COL9A1: variants seen among roughly 807,000 people sequenced by gnomAD.
The protein encoded by COL9A1 is collagen type IX alpha 1 chain, also known as collagen alpha-1(IX) chain.
In COL9A1, 104 loss-of-function variants were observed where a neutral mutation model predicts 142.6. The observed-to-expected ratio is 0.73, with a 90% confidence interval of 0.62 to 0.86. COL9A1 has a LOEUF of 0.86. COL9A1 is among the 40% of genes least tolerant of loss of function. COL9A1 has a pLI of 0.00. For synonymous variants in COL9A1, 466 were observed against 396.0 expected, an observed-to-expected ratio of 1.18 and a Z score of -2.10; for missense variants, 1,210 against 1,176.6, an observed-to-expected ratio of 1.03 and a Z score of -0.42.
Position 70,281,435 on chromosome 6 carries a change from G to C in COL9A1, c.831C>G (p.Pro277=). 3.7e-6 allele frequency: 6 copies of C among 1,613,134 alleles called. No homozygotes were observed. The highest frequency in any genetic ancestry group is 3.4e-6 in the Non-Finnish European group (4 of 1,179,786). ...ERGPPGEQGP[P]GPPGPPGVPG... ...GAACTCCAGGGGGGCCCGGAGGCCC[G>C]GGAGGACCCTGCTCACCCGGGGGAC... The change falls in exon 8 of 38, where the codon CCC becomes CCG. Residue 277 remains proline, a synonymous_variant. Transcript: ENST00000357250.
intron 28 of COL9A1, among the ~76,000 whole-genome samples, chr6:70,244,902 C>G (rs1184165943): frequency 6.6e-6 from 1 of 152,146 alleles, no homozygotes; most frequent in East Asian, 1.9e-4. Flanking sequence ...GCTCAGAGAC[C>G]CACATACACA....
intron 10 of COL9A1, chr6:70,275,086 A>G: frequency 2.6e-6 from 1 of 380,304 alleles, no homozygotes; most frequent in Non-Finnish European, 4.9e-6. Context: ...CATAGCAATT[A>G]CAATGTTGTA....
intron 16 of COL9A1, among the ~76,000 whole-genome samples, chr6:70,269,257 C>G (rs951142108): frequency 6.6e-6 from 1 of 152,162 alleles, no homozygotes; most frequent in African/African-American, 2.4e-5. Flanking sequence ...GTTCGTGTCT[C>G]CAATCAAATG....
chr6:70,300,509 A>G, intron 2 of COL9A1, 123 bp from the exon 3 acceptor site: 1 of 395,214 alleles, frequency 2.5e-6, no homozygotes, highest in Non-Finnish European at 4.3e-6. Flanking sequence ...GCAATTGACC[A>G]CAAAAAAAAG....
chr6:70,276,114 G>T (rs771812844), intron 10 of COL9A1, among the ~76,000 whole-genome samples: 2 of 152,034 alleles, frequency 1.3e-5, no homozygotes, highest in Non-Finnish European at 2.9e-5. Context: ...ACACACAAAA[G>T]AACTTTTGAC....
chr6:70,255,734 T>C (rs1771242281), intron 21 of COL9A1, among the ~76,000 whole-genome samples: 1 of 152,208 alleles, frequency 6.6e-6, no homozygotes, highest in African/African-American at 2.4e-5. Context: ...TTATAGAGGT[T>C]TGAGGTTTGG....
At chr6:70,272,228 G>C in intron 12 of COL9A1, 140 bp from the exon 13 acceptor site, 19 of 595,940 alleles carry the variant, frequency 3.2e-5, no homozygotes, top group East Asian at 3.3e-5. Flanking sequence ...ACTGAATAAA[G>C]AAAAGCAAAC....
At chr6:70,296,603 A>G (rs1773858828) in intron 4 of COL9A1, among the ~76,000 whole-genome samples, 1 of 152,106 alleles carries the variant, frequency 6.6e-6, no homozygotes. Flanking sequence ...CTAGAAGAGA[A>G]GCTAAGATTC....
chr6:70,274,009 T>G (rs201928243), intron 12 of COL9A1, 38 bp downstream of exon 12: 2 of 1,395,822 alleles, frequency 1.4e-6, no homozygotes, highest in Non-Finnish European at 1.9e-6. Context: ...TACCTAAAGA[T>G]AGGAAATTTT....
At chr6:70,263,415 T>A in intron 18 of COL9A1, 118 bp from the exon 19 acceptor site, 1 of 751,392 alleles carries the variant, frequency 1.3e-6, no homozygotes. Flanking sequence ...CCTGAATTAT[T>A]CTACTTTCTT....
chr6:70,252,056 A>G, intron 28 of COL9A1, 64 bp downstream of exon 28: 1 of 1,508,266 alleles, frequency 6.6e-7, no homozygotes, highest in Non-Finnish European at 9.2e-7. Flanking sequence ...GGATGAATGA[A>G]TGGAAGAACA....
chr6:70,238,186 T>C (rs75165807), intron 33 of COL9A1, among the ~76,000 whole-genome samples: 3,368 of 152,268 alleles, frequency 0.022, 124 homozygotes, highest in African/African-American at 0.077. Flanking sequence ...GATAATATGC[T>C]GGACAGGGAC....
At chr6:70,252,359 A>G in intron 26 of COL9A1, 44 bp from the exon 27 acceptor site, 1 of 1,562,634 alleles carries the variant, frequency 6.4e-7, no homozygotes, top group Non-Finnish European at 8.8e-7. Context: ...TGCTGAAGTA[A>G]GCATAATCAT....
In COL9A1 at chr6:70,252,120, A is replaced by G; in HGVS notation, c.1872T>C (p.Pro624=). 1.9e-6 allele frequency: 3 copies of G among 1,614,088 alleles called. No individual in the cohort carries two copies. The highest frequency in any genetic ancestry group is 2.5e-6 in the Non-Finnish European group (3 of 1,179,932). ...GGAAAGAACAGCAAGGAATACTCAC[A>G]GGAAGCCCCTGGGGTCCTCGGGGTC... ...EVGPRGPQGL[P]GSRGELGPVG... Residue 624 remains proline (P), a splice_region_variant and synonymous_variant, in exon 28 of 38, where the codon CCT becomes CCC. Coordinates refer to ENST00000357250, the MANE Select transcript of COL9A1 (RefSeq NM_001851.6).
At chr6:70,277,963 T>A (rs1772877612) in intron 10 of COL9A1, among the ~76,000 whole-genome samples, 1 of 152,154 alleles carries the variant, frequency 6.6e-6, no homozygotes, top group African/African-American at 2.4e-5. Flanking sequence ...AAACAGCAAA[T>A]TCTGACCCAG....
intron 7 of COL9A1, among the ~76,000 whole-genome samples, chr6:70,282,101 C>A (rs1456392965): frequency 1.3e-5 from 2 of 152,102 alleles, no homozygotes; most frequent in Admixed American, 6.5e-5. Flanking sequence ...GGGGCGTGAC[C>A]CCTTTTATCG....
At chr6:70,240,612 T>TTAGAAGTATATATATA in intron 32 of COL9A1, 77 bp downstream of exon 32, 1 of 960,672 alleles carries the variant, frequency 1.0e-6, no homozygotes, top group Non-Finnish European at 1.6e-6. Context: ...TTGAACTGTG[T>TTAGAAGTATATATATA]TAGAAGTATA....
chr6:70,292,152 A>AT (rs1369800594), intron 5 of COL9A1, among the ~76,000 whole-genome samples: 1 of 152,178 alleles, frequency 6.6e-6, no homozygotes, highest in Admixed American at 6.5e-5. Context: ...CAGTTGTTAA[A>AT]TGTGGATAGG....
rs1769773459 is a variant in COL9A1 at position 70,234,552 on chromosome 6, C to CA, written c.2300dup (p.Met767IlefsTer10). The CA allele has an allele frequency of 6.2e-7, 1 of 1,614,072 alleles. No homozygotes were observed. The highest frequency in any genetic ancestry group is 1.3e-5 in the African/African-American group (1 of 74,926). On this transcript the variant is annotated frameshift_variant, in exon 35 of 38. Transcript: ENST00000357250. LOFTEE classifies it high-confidence loss of function. The stretch of plus-strand genomic sequence containing the variant: ...TGATTTATTTACCTTGTATGACTCT[C>CA]ATGCAAACCTGCTTAATGTGCTGAT...
Sources: allele counts gnomAD v4.1 joint callset (sites outside exome capture counted in the v4.1 genomes callset), GRCh38; gene constraint gnomAD v4.1.1; transcripts MANE v1.5; gene names NCBI Gene and HGNC (gene_info 2026-07-23, HGNC 2026-07-21).